Variants in COL27A1 observed in about 807,000 individuals in gnomAD.
The protein encoded by COL27A1 is collagen alpha-1(XXVII) chain.
A neutral mutation model predicts 251.3 loss-of-function variants in COL27A1; 106 were observed. The observed-to-expected ratio is 0.42, with a 90% CI of 0.36 to 0.50. COL27A1 has a LOEUF of 0.50. Ranked by LOEUF, COL27A1 falls within the 20% of genes least tolerant of loss-of-function variation. The probability of loss-of-function intolerance (pLI) is 0.00; values close to 1 mark genes in which losing one functional copy is unlikely to be tolerated. For missense variants in COL27A1, 2,325 were observed against 2,522.8 expected (o/e 0.92, Z 1.68); for synonymous variants, 1,000 against 986.3 (o/e 1.01, Z -0.26).
intron 4 of COL27A1, among the ~76,000 whole-genome samples, chr9:114,182,752 C>T (rs1206971766): frequency 6.6e-6 from 1 of 152,158 alleles, no homozygotes; most frequent in African/African-American, 2.4e-5. Context: ...CATTGGCATC[C>T]TCGTCTTCAA....
intron 36 of COL27A1, among the ~76,000 whole-genome samples, chr9:114,274,820 T>TATC (rs1173075933): frequency 6.6e-6 from 1 of 152,094 alleles, no homozygotes; most frequent in Non-Finnish European, 1.5e-5. Flanking sequence ...TACCATTTAT[T>TATC]ATTATTATTA....
chr9:114,170,206 C>A (rs1403638340), intron 3 of COL27A1, among the ~76,000 whole-genome samples: 1 of 152,124 alleles, frequency 6.6e-6, no homozygotes. Flanking sequence ...ATTTGTAACC[C>A]CCGGTAGGAG....
At chr9:114,242,110 C>A (rs1468966777) in intron 21 of COL27A1, 77 bp from the exon 22 acceptor site, 28 of 1,291,312 alleles carry the variant, frequency 2.2e-5, no homozygotes, top group Non-Finnish European at 2.9e-5. Context: ...CCTTTCCCTC[C>A]ATACAGGACA....
At chr9:114,294,280 C>T (rs1290262065) in intron 49 of COL27A1, among the ~76,000 whole-genome samples, 1 of 147,620 alleles carries the variant, frequency 6.8e-6, no homozygotes, top group Non-Finnish European at 1.5e-5. Context: ...GAAGGAATAC[C>T]AATTCTACAT....
chr9:114,270,672 C>T (rs1835079447), intron 35 of COL27A1, 56 bp from the exon 36 acceptor site: 2 of 1,385,528 alleles, frequency 1.4e-6, no homozygotes, highest in Non-Finnish European at 2.0e-6. Flanking sequence ...AGGAAAAGCA[C>T]ACCGGGGCCT....
At chr9:114,220,700 A>C (rs903662767) in intron 13 of COL27A1, among the ~76,000 whole-genome samples, 3 of 152,134 alleles carry the variant, frequency 2.0e-5, no homozygotes, top group Non-Finnish European at 4.4e-5. Flanking sequence ...GGGGATCAGA[A>C]TTCCAGCCTG....
At chr9:114,309,567 T>C in intron 60 of COL27A1, 89 bp downstream of exon 60, 13 of 918,224 alleles carry the variant, frequency 1.4e-5, no homozygotes, top group Non-Finnish European at 2.2e-5. Flanking sequence ...TATAAGATTA[T>C]ATCTAACATT....
Position 114,168,965 on chromosome 9 carries a change from G to A in COL27A1, c.1410G>A (p.Lys470=). 6.2e-7 allele frequency: 1 copy of A among 1,614,006 alleles called. No homozygotes were observed. The highest frequency in any genetic ancestry group is 8.5e-7 in the Non-Finnish European group (1 of 1,180,014). ...CCAAGATAACCAGCCATGCCAGTAA[G>A]CCGGCCTCTGCCCGCACCAGCACCC... ...TEAKITSHAS[K]PASARTSTHK... Residue 470 remains lysine, a synonymous_variant, in exon 3 of 61, where the codon AAG becomes AAA. Coordinates refer to ENST00000356083, the MANE Select transcript of COL27A1 (RefSeq NM_032888.4).
chr9:114,243,418 G>C, intron 22 of COL27A1, 89 bp from the exon 23 acceptor site: 1 of 1,054,076 alleles, frequency 9.5e-7, no homozygotes, highest in Non-Finnish European at 1.5e-6. Context: ...TACAGCTGTG[G>C]ATACCCTGTG....
chr9:114,281,955 C>G (rs1564566599), intron 37 of COL27A1, among the ~76,000 whole-genome samples: 1 of 152,166 alleles, frequency 6.6e-6, no homozygotes. Context: ...GGATGCCTAA[C>G]AGTAACCATG....
At chr9:114,185,693 A>T (rs895455438) in intron 5 of COL27A1, among the ~76,000 whole-genome samples, 4 of 152,252 alleles carry the variant, frequency 2.6e-5, no homozygotes. Context: ...GTCCTCTTCC[A>T]GCATGGTGTC....
intron 21 of COL27A1, 106 bp from the exon 22 acceptor site, chr9:114,242,081 G>A (rs1182312984): frequency 8.2e-6 from 8 of 976,054 alleles, no homozygotes; most frequent in Admixed American, 3.5e-5. Context: ...TTGTCCAGGA[G>A]GGCTCTCCTC....
At chr9:114,204,052 G>A (rs942974346) in intron 7 of COL27A1, among the ~76,000 whole-genome samples, 2 of 152,108 alleles carry the variant, frequency 1.3e-5, no homozygotes, top group African/African-American at 4.8e-5. Flanking sequence ...CTACAGGTTT[G>A]AGCGTGCATG....
chr9:114,305,967 C>T (rs1829010798), intron 57 of COL27A1, among the ~76,000 whole-genome samples: 2 of 152,158 alleles, frequency 1.3e-5, no homozygotes, highest in Admixed American at 1.3e-4. Flanking sequence ...CCAGGGTAAC[C>T]CTGAATGGCC....
Position 114,230,392 on chromosome 9 carries a change from A to T in COL27A1, c.2467-687A>T, listed in dbSNP as rs117683449. On this transcript the variant is annotated intron_variant, in intron 14 of 60. Transcript: ENST00000356083. ...ACAGGAGGGGCGTCATGGGGACAGCACTCAGCCAGGCTGAGCTGTCATCTG... is the reference window on the plus strand; with the variant it reads ...ACAGGAGGGGCGTCATGGGGACAGCTCTCAGCCAGGCTGAGCTGTCATCTG... Among the ~76,000 whole-genome samples, 468 of 152,066 alleles carry T rather than the reference A, an allele frequency of 3.1e-3. 1 individual carries two copies. Among genetic ancestry groups the T allele is most frequent in the Non-Finnish European group, 5.3e-3 (358 of 67,946 alleles).
chr9:114,206,114 C>CCAAA (rs1446362496), intron 9 of COL27A1, 138 bp from the exon 10 acceptor site: 4 of 850,560 alleles, frequency 4.7e-6, no homozygotes, highest in Non-Finnish European at 7.7e-6. Flanking sequence ...GGGGGTCAGG[C>CCAAA]CAAAGATCGC....
At chr9:114,206,958 G>A (rs1830008929) in intron 10 of COL27A1, among the ~76,000 whole-genome samples, 2 of 152,200 alleles carry the variant, frequency 1.3e-5, no homozygotes, top group South Asian at 4.1e-4. Flanking sequence ...GACCGAATGG[G>A]GTAAATGGAG....
At chr9:114,279,520 A>T (rs891626358) in intron 37 of COL27A1, among the ~76,000 whole-genome samples, 1 of 152,174 alleles carries the variant, frequency 6.6e-6, no homozygotes, top group African/African-American at 2.4e-5. Flanking sequence ...AGCCACCTTT[A>T]AAAACAGCAA....
chr9:114,177,180 G>A (rs906668635), intron 3 of COL27A1, among the ~76,000 whole-genome samples: 2 of 152,206 alleles, frequency 1.3e-5, no homozygotes, highest in Non-Finnish European at 1.5e-5. Context: ...ATAAGTGGGA[G>A]GAACTGCAGG....
Sources: allele counts gnomAD v4.1 joint callset (sites outside exome capture counted in the v4.1 genomes callset), GRCh38; gene constraint gnomAD v4.1.1; transcripts MANE v1.5; gene names NCBI Gene and HGNC (gene_info 2026-07-23, HGNC 2026-07-21).